The following MYH9 variants were observed in gnomAD, a reference collection of about 807,000 sequenced individuals.
The protein encoded by MYH9 is myosin-9.
In MYH9, 29 loss-of-function variants were observed where a neutral mutation model predicts 241.9. The observed-to-expected ratio is 0.12, with a 90% confidence interval of 0.09 to 0.16. The LOEUF (loss-of-function observed/expected upper bound fraction) is 0.16, where lower values mean the gene tolerates loss of function less well. Among genes scored for constraint, MYH9 ranks in the 10% least tolerant of loss-of-function variants. The pLI is 1.00. For synonymous variants in MYH9, 1,047 were observed against 1,062.6 expected (o/e 0.99, Z 0.29); for missense variants, 1,803 against 2,595.5 (o/e 0.69, Z 6.63).
rs550684011 is a variant in MYH9, at chr22:36,282,263, G to A, written c.*405C>T. 3 of 376,284 alleles carry A rather than the reference G, an allele frequency of 8.0e-6. No homozygotes were observed. Among genetic ancestry groups the A allele is most frequent in the Admixed American group, 4.1e-5 (1 of 24,106 alleles). The allele number at this position is 376,284 out of a possible 1,614,324, so 23.3% of individuals were successfully genotyped here. A position where few individuals can be genotyped will look rare whatever the true frequency, so the allele number is the denominator to read the frequency against. ...GGTGGCAGACGTCAGGGAGGCTGAC[G>A]ACTGCGGGGGCTCCGACTACCAAAA... On this transcript the variant is annotated 3_prime_UTR_variant, in exon 41 of 41. Transcript: ENST00000216181.
intron 10 of MYH9, among the ~76,000 whole-genome samples, chr22:36,318,767 CTTT>C (rs993771157): frequency 6.8e-6 from 1 of 146,096 alleles, no homozygotes. Context: ...ACAGGAATGT[CTTT>C]TTTTTTTTTT....
intron 1 of MYH9, among the ~76,000 whole-genome samples, chr22:36,382,156 A>G (rs2018266801): frequency 6.6e-6 from 1 of 151,976 alleles, no homozygotes; most frequent in South Asian, 2.1e-4. Context: ...AGAGGGTTGT[A>G]CAATATACAC....
intron 23 of MYH9, among the ~76,000 whole-genome samples, chr22:36,299,630 G>A (rs184742740): frequency 1.3e-4 from 20 of 152,286 alleles, no homozygotes; most frequent in African/African-American, 4.6e-4. Context: ...GAGGAGGCCC[G>A]AAAGGTGGGG....
intron 11 of MYH9, among the ~76,000 whole-genome samples, chr22:36,316,997 C>T (rs1325605374): frequency 6.6e-6 from 1 of 151,154 alleles, no homozygotes; most frequent in African/African-American, 2.4e-5. Context: ...CCTAAATGCA[C>T]CCGATCTCAT....
intron 1 of MYH9, among the ~76,000 whole-genome samples, chr22:36,354,579 G>A (rs577252682): frequency 6.6e-6 from 1 of 151,628 alleles, no homozygotes; most frequent in Admixed American, 6.6e-5. Flanking sequence ...GAGTAGCTGG[G>A]ATTACAGGCA....
At chr22:36,283,738 G>A (rs759878690) in intron 40 of MYH9, among the ~76,000 whole-genome samples, 2 of 152,126 alleles carry the variant, frequency 1.3e-5, no homozygotes, top group African/African-American at 2.4e-5. Context: ...CCTGAGAAAC[G>A]CAAAGGAGCG....
At chr22:36,387,163 C>T (rs2018366223) in intron 1 of MYH9, among the ~76,000 whole-genome samples, 1 of 152,146 alleles carries the variant, frequency 6.6e-6, no homozygotes, top group Non-Finnish European at 1.5e-5. Context: ...AGCCGCCGCA[C>T]CTCCCCCGGG....
At chr22:36,324,040 A>T (rs1324483204) in intron 5 of MYH9, among the ~76,000 whole-genome samples, 1 of 152,240 alleles carries the variant, frequency 6.6e-6, no homozygotes, top group Non-Finnish European at 1.5e-5. Context: ...CTCAGAGCAC[A>T]GGCCAGGCTG....
At chr22:36,336,734 C>T (rs1421941796) in intron 3 of MYH9, among the ~76,000 whole-genome samples, 3 of 152,248 alleles carry the variant, frequency 2.0e-5, no homozygotes, top group Non-Finnish European at 4.4e-5. Flanking sequence ...TCTGCAAGAT[C>T]CGACCTCGCC....
intron 25 of MYH9, among the ~76,000 whole-genome samples, chr22:36,296,110 A>C (rs12158599): frequency 0.022 from 3,345 of 152,290 alleles, 124 homozygotes; most frequent in African/African-American, 0.076. Context: ...CACCAATTAG[A>C]ACAGACACAG....
At position 36,295,700 on chromosome 22, in the gene MYH9, G is replaced by T. The variant is rs766927990; in HGVS notation, c.3290C>A (p.Ala1097Asp). ...CTTCTTGAGGGCCATGTTCTTCTGG[G>T]CAGCTTCCTCTTCCACTCTGCCAAA... ...AALARVEEEA[A>D]QKNMALKKIR... is the part of the protein sequence containing the mutation. Residue 1097 changes from alanine (A) to aspartate (D), a missense_variant, in exon 26 of 41, where the codon GCC (alanine) becomes GAC (aspartate). Around this residue, in one of 11 missense-constraint regions of MYH9, gnomAD observed 290 missense variants for 360.5 expected, o/e 0.80. Transcript: ENST00000216181. The surrounding 1 kb of genome is among the most constrained non-coding windows in gnomAD (Gnocchi z 4.1). 1.2e-6 allele frequency: 2 copies of T among 1,613,118 alleles called. No homozygotes were observed. The highest frequency in any genetic ancestry group is 1.7e-6 in the Non-Finnish European group (2 of 1,179,794).
chr22:36,382,330 C>A (rs145169352), intron 1 of MYH9, among the ~76,000 whole-genome samples: 1 of 150,812 alleles, frequency 6.6e-6, no homozygotes, highest in African/African-American at 2.4e-5. Context: ...CAAAAATTAG[C>A]TGGGCGTGGT....
At chr22:36,371,953 G>A (rs898541066) in intron 1 of MYH9, among the ~76,000 whole-genome samples, 2 of 151,976 alleles carry the variant, frequency 1.3e-5, no homozygotes, top group African/African-American at 2.4e-5. Flanking sequence ...CGCCACTAGA[G>A]AGTAAACTGC....
intron 1 of MYH9, among the ~76,000 whole-genome samples, chr22:36,361,067 C>A (rs62228862): frequency 0.015 from 2,225 of 152,338 alleles, 34 homozygotes; most frequent in Non-Finnish European, 0.024. Context: ...CTACAGCAGC[C>A]TCGACCTAGG....
intron 1 of MYH9, among the ~76,000 whole-genome samples, chr22:36,353,361 T>C (rs2017802732): frequency 6.6e-6 from 1 of 152,138 alleles, no homozygotes; most frequent in African/African-American, 2.4e-5. Context: ...AAACAGCCTC[T>C]TTGAAACTTT....
chr22:36,298,849 G>C (rs2016829033), intron 24 of MYH9, 70 bp downstream of exon 24: 17 of 1,601,570 alleles, frequency 1.1e-5, no homozygotes, highest in Non-Finnish European at 1.4e-5. Context: ...CGGTCAGACA[G>C]GCCGGCCCCT....
At chr22:36,340,123 A>G (rs563291916) in intron 3 of MYH9, among the ~76,000 whole-genome samples, 43 of 151,942 alleles carry the variant, frequency 2.8e-4, no homozygotes, top group Non-Finnish European at 2.4e-4. Context: ...CAAGGGGCCA[A>G]TTTTGAAGGG....
chr22:36,384,671 C>A (rs1389839261), intron 1 of MYH9, among the ~76,000 whole-genome samples: 4 of 117,362 alleles, frequency 3.4e-5, no homozygotes, highest in African/African-American at 1.4e-4. Context: ...ACATATTAGG[C>A]CATGTACATA....
intron 2 of MYH9, among the ~76,000 whole-genome samples, chr22:36,347,684 G>A (rs548505083): frequency 6.6e-6 from 1 of 151,934 alleles, no homozygotes; most frequent in East Asian, 1.9e-4. Flanking sequence ...GCAGTGAGCT[G>A]TGATCATGCC....
Sources: allele counts gnomAD v4.1 joint callset (sites outside exome capture counted in the v4.1 genomes callset), GRCh38; gene constraint gnomAD v4.1.1; regional missense constraint gnomAD v4.1.1; non-coding constraint Gnocchi (gnomAD v3.1); transcripts MANE v1.5; gene names NCBI Gene and HGNC (gene_info 2026-07-23, HGNC 2026-07-21).